The following DSCAM variants were observed in gnomAD, a reference collection of about 807,000 sequenced individuals.
DSCAM encodes cell adhesion molecule DSCAM.
In DSCAM, 47 loss-of-function variants were observed where a neutral mutation model predicts 217.7. The observed-to-expected ratio is 0.22, with a 90% CI of 0.17 to 0.28. The LOEUF is 0.28. DSCAM is among the 10% of genes least tolerant of loss of function. The pLI, the probability that DSCAM is intolerant of heterozygous loss-of-function variation, is 1.00. For missense variants in DSCAM, 2,080 were observed against 2,618.3 expected, an observed-to-expected ratio of 0.79 and a Z score of 4.49; for synonymous variants, 1,056 against 1,015.3, an observed-to-expected ratio of 1.04 and a Z score of -0.76.
chr21:40,784,779 G>A (rs144345368), intron 1 of DSCAM, among the ~76,000 whole-genome samples: 1,783 of 152,300 alleles, frequency 0.012, 11 homozygotes, highest in Non-Finnish European at 0.018. Flanking sequence ...TACGAACCAG[G>A]AAGCAGGCCC....
chr21:40,764,875 T>C (rs968988337), intron 1 of DSCAM, among the ~76,000 whole-genome samples: 9 of 152,072 alleles, frequency 5.9e-5, no homozygotes, highest in African/African-American at 2.2e-4. Flanking sequence ...CCACATGTTC[T>C]CACTCACAAG....
chr21:40,284,718 G>A (rs2073803817), intron 10 of DSCAM, among the ~76,000 whole-genome samples: 1 of 152,186 alleles, frequency 6.6e-6, no homozygotes, highest in Non-Finnish European at 1.5e-5. Context: ...GGTGCTTAAA[G>A]GGCCGCGCAG....
At chr21:40,133,655 A>G (rs2090176973) in intron 19 of DSCAM, among the ~76,000 whole-genome samples, 199 bp downstream of exon 19, 1 of 152,204 alleles carries the variant, frequency 6.6e-6, no homozygotes, top group Non-Finnish European at 1.5e-5. Flanking sequence ...ATATAGAGGA[A>G]GAAGAAGCAA....
rs71186965 is a variant in DSCAM, at chr21:40,780,423, G to GTATATATATATA, written c.43+66184_43+66195dup. Among the ~76,000 whole-genome samples, 166 of 56,404 alleles carry GTATATATATATA rather than the reference G, an allele frequency of 2.9e-3. 1 individual carries two copies. Among genetic ancestry groups the GTATATATATATA allele is most frequent in the East Asian group, 0.011 (24 of 2,212 alleles). 37.0% of individuals were successfully genotyped at this position (56,404 alleles called of 152,430 possible). A position where few individuals can be genotyped will look rare whatever the true frequency, so the allele number is the denominator to read the frequency against. On this transcript the variant is annotated intron_variant, in intron 1 of 32. Coordinates refer to ENST00000400454, the MANE Select transcript of DSCAM (RefSeq NM_001389.5). ...CGTGTGTGTGTGTGTGTGTGTGTGT[G>GTATATATATATA]TATATATATATATATATATATATAT...
intron 2 of DSCAM, 39 bp from the exon 3 acceptor site, chr21:40,692,995 C>A (rs1346458972): frequency 6.3e-7 from 1 of 1,583,022 alleles, no homozygotes; most frequent in South Asian, 1.1e-5. Flanking sequence ...GGCACACGGT[C>A]AACAGGCTCA....
Position 40,647,174 on chromosome 21 carries a change from A to G in DSCAM, c.508+45636T>C, listed in dbSNP as rs569410920. The stretch of plus-strand genomic sequence containing the variant: ...AAAGTTCAGAAGACCAGCATTCACC[A>G]CACGCTGTTATTAGGATGTCTACAC... On this transcript the variant is annotated intron_variant, in intron 3 of 32. Coordinates refer to ENST00000400454, the MANE Select transcript of DSCAM (RefSeq NM_001389.5). Among the ~76,000 whole-genome samples, 124 of 152,294 alleles carry G rather than the reference A, an allele frequency of 8.1e-4. 2 individuals carry two copies. In the South Asian group the frequency reaches 0.021, roughly 26 times the overall value.
chr21:40,640,269 G>T (rs1245049300), intron 3 of DSCAM, among the ~76,000 whole-genome samples: 3 of 152,166 alleles, frequency 2.0e-5, no homozygotes, highest in African/African-American at 7.2e-5. Flanking sequence ...GCTGCAGCTT[G>T]CTCCATCCCT....
chr21:40,659,416 T>C (rs1446094662), intron 3 of DSCAM, among the ~76,000 whole-genome samples: 1 of 152,044 alleles, frequency 6.6e-6, no homozygotes, highest in African/African-American at 2.4e-5. Flanking sequence ...TCTCTATCAC[T>C]CTAGTTATCT....
chr21:40,376,622 G>A (rs201290501), intron 3 of DSCAM, among the ~76,000 whole-genome samples: 13 of 45,090 alleles, frequency 2.9e-4, no homozygotes, highest in Non-Finnish European at 3.5e-4. Flanking sequence ...TATAGATATC[G>A]ATATCTATAT....
chr21:40,823,239 G>C (rs2091943799), intron 1 of DSCAM, among the ~76,000 whole-genome samples: 1 of 148,392 alleles, frequency 6.7e-6, no homozygotes, highest in Non-Finnish European at 1.5e-5. Flanking sequence ...CAATAAGTGT[G>C]CAAGATGAGG....
rs1005683075 is a variant in DSCAM at position 40,676,761 on chromosome 21, C to T, written c.508+16049G>A. On this transcript the variant is annotated intron_variant, in intron 3 of 32. Coordinates refer to ENST00000400454, the MANE Select transcript of DSCAM (RefSeq NM_001389.5). ...TGCAAGGCTGAGATACACCTTTCTT[C>T]AATATTTCATCATGCATGGTAAGCA... is the stretch of plus-strand genomic sequence containing the variant. 2.6e-5 allele frequency among the ~76,000 whole-genome samples: 4 copies of T among 152,200 alleles called. No individual in the cohort carries two copies. In the South Asian group the frequency reaches 6.2e-4, roughly 24 times the overall value.
intron 1 of DSCAM, among the ~76,000 whole-genome samples, chr21:40,796,698 G>A (rs1012753176): frequency 5.9e-5 from 9 of 152,142 alleles, no homozygotes; most frequent in Admixed American, 4.6e-4. Flanking sequence ...TAGAAATGCA[G>A]AATCTCAGCT....
chr21:40,799,780 T>C (rs2091722885), intron 1 of DSCAM, among the ~76,000 whole-genome samples: 2 of 152,210 alleles, frequency 1.3e-5, no homozygotes, highest in South Asian at 2.1e-4. Context: ...TGTGATTACA[T>C]TAGGCTTAAT....
intron 11 of DSCAM, among the ~76,000 whole-genome samples, chr21:40,199,941 T>C (rs992408494): frequency 6.7e-6 from 1 of 149,320 alleles, no homozygotes; most frequent in Non-Finnish European, 1.5e-5. Context: ...AAAGTAAAAT[T>C]AAAAAAACAA....
intron 3 of DSCAM, among the ~76,000 whole-genome samples, chr21:40,414,439 A>T (rs997405083): frequency 6.6e-6 from 1 of 152,214 alleles, no homozygotes; most frequent in Admixed American, 6.5e-5. Flanking sequence ...ATACCAACGC[A>T]TACCTCCTAG....
intron 8 of DSCAM, among the ~76,000 whole-genome samples, chr21:40,317,487 C>A (rs1163739663): frequency 1.3e-5 from 2 of 152,144 alleles, no homozygotes; most frequent in African/African-American, 4.8e-5. Flanking sequence ...TTATTTCCCA[C>A]AACTAGTGGG....
At chr21:40,297,933 T>C (rs1383483328) in intron 9 of DSCAM, among the ~76,000 whole-genome samples, 3 of 152,184 alleles carry the variant, frequency 2.0e-5, no homozygotes, top group Admixed American at 1.3e-4. Context: ...AATTTACTTA[T>C]CTGAAAATTG....
intron 1 of DSCAM, among the ~76,000 whole-genome samples, chr21:40,769,951 AT>A (rs1206846093): frequency 6.6e-6 from 1 of 152,054 alleles, no homozygotes; most frequent in African/African-American, 2.4e-5. Context: ...ATAAACTCCC[AT>A]TTGTTTTTTG....
At chr21:40,297,948 T>A (rs2073973371) in intron 9 of DSCAM, among the ~76,000 whole-genome samples, 2 of 152,182 alleles carry the variant, frequency 1.3e-5, no homozygotes, top group African/African-American at 4.8e-5. Context: ...AAATTGGAGA[T>A]GATTATGGAA....
Sources: gnomAD v4.1 joint callset for allele counts (sites outside exome capture counted in the v4.1 genomes callset) on GRCh38, gnomAD v4.1.1 for gene constraint, MANE v1.5 for transcripts, NCBI Gene and HGNC (gene_info 2026-07-23, HGNC 2026-07-21) for gene names.